NPAS3: variants seen among roughly 807,000 people sequenced by gnomAD.
NPAS3 encodes neuronal PAS domain protein 3.
Under a neutral mutation model 73.1 loss-of-function variants are expected in NPAS3, and 14 were observed. That is an observed-to-expected ratio of 0.19 (90% CI 0.13 to 0.30). NPAS3 has a LOEUF of 0.30. NPAS3 is among the 10% of genes least tolerant of loss of function. The pLI is 1.00. For missense variants in NPAS3, 1,096 were observed against 1,250.0 expected (o/e 0.88, Z 1.86); for synonymous variants, 620 against 541.5 (o/e 1.14, Z -2.01).
chr14:33,019,962 G>C (rs963680768), intron 1 of NPAS3, among the ~76,000 whole-genome samples: 1 of 152,060 alleles, frequency 6.6e-6, no homozygotes, highest in Non-Finnish European at 1.5e-5. Context: ...TTTTCCATCC[G>C]ATTACAAACC....
chr14:33,044,654 G>GTT (rs11408612), intron 1 of NPAS3, among the ~76,000 whole-genome samples: 528 of 138,496 alleles, frequency 3.8e-3, no homozygotes, highest in African/African-American at 7.4e-3. Flanking sequence ...GAGTTAGTTT[G>GTT]TTTTTTTTTT....
chr14:33,072,746 A>G (rs1227574330), intron 2 of NPAS3, among the ~76,000 whole-genome samples: 3 of 152,176 alleles, frequency 2.0e-5, no homozygotes, highest in African/African-American at 7.2e-5. Flanking sequence ...ACCTGCCCAC[A>G]TAGCCTGGTG....
chr14:33,085,044 A>T (rs903848827), intron 2 of NPAS3, among the ~76,000 whole-genome samples: 4 of 152,230 alleles, frequency 2.6e-5, no homozygotes, highest in African/African-American at 7.2e-5. Flanking sequence ...ATACCTCTAC[A>T]ACTTTCTTAG....
chr14:33,381,382 G>A (rs1283454450), intron 4 of NPAS3, among the ~76,000 whole-genome samples: 14 of 152,292 alleles, frequency 9.2e-5, no homozygotes. Flanking sequence ...TCACAGCTAA[G>A]CTGTATTATT....
Position 33,798,227 on chromosome 14 carries a change from G to A in NPAS3, c.1426+646G>A, listed in dbSNP as rs927522377. ...TTTCCTGAATCTATGCAGAACAAAC[G>A]CATGCATTTTCATTTCCTTTGGGGA... On this transcript the variant is annotated intron_variant, in intron 11 of 11. Coordinates refer to ENST00000356141, the Ensembl canonical transcript of NPAS3. Among the ~76,000 whole-genome samples the A allele has an allele frequency of 3.3e-5, 5 of 152,108 alleles. No individual in the cohort carries two copies. In the South Asian group the frequency reaches 6.2e-4, roughly 19 times the overall value.
intron 4 of NPAS3, among the ~76,000 whole-genome samples, chr14:33,426,477 G>A (rs1482335902): frequency 1.3e-5 from 2 of 152,066 alleles, no homozygotes; most frequent in Admixed American, 6.6e-5. Flanking sequence ...AGTGGACTGA[G>A]CTGCCTGGCT....
At chr14:33,217,142 G>C (rs2047255102) in intron 3 of NPAS3, among the ~76,000 whole-genome samples, 1 of 151,974 alleles carries the variant, frequency 6.6e-6, no homozygotes, top group Non-Finnish European at 1.5e-5. Context: ...CAGCAAAAGG[G>C]GAATTGCCAC....
intron 2 of NPAS3, among the ~76,000 whole-genome samples, chr14:33,168,677 C>T (rs1040378817): frequency 6.6e-6 from 1 of 152,074 alleles, no homozygotes. Flanking sequence ...CTGCATTTTC[C>T]TCTCCTGATT....
intron 3 of NPAS3, among the ~76,000 whole-genome samples, chr14:33,227,471 T>G (rs1287590793): frequency 6.6e-6 from 1 of 152,086 alleles, no homozygotes; most frequent in Non-Finnish European, 1.5e-5. Flanking sequence ...AAACAACATT[T>G]GAAAAAAAAA....
chr14:33,171,902 A>G (rs1595602276), intron 2 of NPAS3, among the ~76,000 whole-genome samples: 1 of 152,140 alleles, frequency 6.6e-6, no homozygotes, highest in Non-Finnish European at 1.5e-5. Context: ...TTGAATGCCT[A>G]GAAGCCATTG....
chr14:33,350,187 G>A (rs1364556307), intron 3 of NPAS3, among the ~76,000 whole-genome samples: 1 of 152,026 alleles, frequency 6.6e-6, no homozygotes, highest in Non-Finnish European at 1.5e-5. Context: ...AAATTACCTC[G>A]GGCCATTTCT....
At chr14:33,491,458 A>G (rs1488590296) in intron 4 of NPAS3, among the ~76,000 whole-genome samples, 1 of 152,170 alleles carries the variant, frequency 6.6e-6, no homozygotes, top group African/African-American at 2.4e-5. Flanking sequence ...TATTTTGCAC[A>G]GTCTAAGATG....
chr14:33,264,029 C>T (rs1645189589), intron 3 of NPAS3, among the ~76,000 whole-genome samples: 1 of 152,072 alleles, frequency 6.6e-6, no homozygotes, highest in African/African-American at 2.4e-5. Context: ...GCCCAAATGT[C>T]CAACAATGAT....
intron 6 of NPAS3, among the ~76,000 whole-genome samples, chr14:33,678,158 C>T (rs2059821712): frequency 1.3e-5 from 2 of 152,182 alleles, no homozygotes; most frequent in Admixed American, 1.3e-4. Context: ...CAAATCTCTA[C>T]AGCAAAACCA....
At chr14:33,677,180 T>TTAGATCTGCGAAGGATTTATTCTTTG (rs1353990531) in intron 6 of NPAS3, among the ~76,000 whole-genome samples, 1 of 152,196 alleles carries the variant, frequency 6.6e-6, no homozygotes, top group East Asian at 1.9e-4. Flanking sequence ...GCGCTGGTAA[T>TTAGATCTGCGAAGGATTTATTCTTTG]TAGATCTGCG....
intron 2 of NPAS3, among the ~76,000 whole-genome samples, chr14:33,191,438 T>C (rs901047604): frequency 6.6e-6 from 1 of 152,168 alleles, no homozygotes; most frequent in Non-Finnish European, 1.5e-5. Flanking sequence ...TAGGTGACAG[T>C]ATAGGATGGC....
intron 4 of NPAS3, among the ~76,000 whole-genome samples, chr14:33,482,071 T>TA (rs2051357028): frequency 6.6e-6 from 1 of 151,358 alleles, no homozygotes; most frequent in South Asian, 2.1e-4. Flanking sequence ...TTTTTTTTTT[T>TA]AAGATACCCG....
intron 4 of NPAS3, among the ~76,000 whole-genome samples, chr14:33,486,910 G>A (rs765532432): frequency 6.6e-5 from 10 of 152,274 alleles, no homozygotes; most frequent in South Asian, 2.1e-4. Flanking sequence ...TTTTCAAGCC[G>A]CCTTGGCCTC....
At position 33,093,387 on chromosome 14, in the gene NPAS3, A is replaced by G. The variant is rs565306173; in HGVS notation, c.140+37393A>G. On this transcript the variant is annotated intron_variant, in intron 2 of 11. Coordinates refer to ENST00000356141, the Ensembl canonical transcript of NPAS3. The stretch of plus-strand genomic sequence containing the variant: ...TGAAAAATGCTCATCATCACTGGCC[A>G]TCAGAGAAATGCAAATCAAAACCAC... 3.3e-5 allele frequency among the ~76,000 whole-genome samples: 5 copies of G among 152,380 alleles called. No individual in the cohort carries two copies. In the South Asian group the frequency reaches 6.2e-4, roughly 19 times the overall value.
Sources: gnomAD v4.1 joint callset for allele counts (sites outside exome capture counted in the v4.1 genomes callset) on GRCh38, gnomAD v4.1.1 for gene constraint, MANE v1.5 for transcripts, NCBI Gene and HGNC (gene_info 2026-07-23, HGNC 2026-07-21) for gene names.